NFIX: variants seen among roughly 807,000 people sequenced by gnomAD.
NFIX encodes the protein nuclear factor 1 X-type.
A neutral mutation model predicts 53.3 loss-of-function variants in NFIX; 2 were observed. The observed-to-expected ratio is 0.04, with a 90% CI of 0.02 to 0.12. NFIX has a LOEUF of 0.12. NFIX is among the 10% of genes least tolerant of loss of function. The pLI is 1.00. For missense variants in NFIX, 310 were observed against 674.5 expected, an observed-to-expected ratio of 0.46 and a Z score of 5.99; for synonymous variants, 244 against 289.0, an observed-to-expected ratio of 0.84 and a Z score of 1.58.
intron 2 of NFIX, among the ~76,000 whole-genome samples, chr19:13,031,579 A>G (rs1305165435): frequency 2.6e-5 from 4 of 152,164 alleles, no homozygotes; most frequent in Admixed American, 1.3e-4. Context: ...CTCTAAGAAT[A>G]AGAGAATCTT....
At chr19:13,083,029 C>T (rs760940726) in intron 8 of NFIX, among the ~76,000 whole-genome samples, 4 of 152,228 alleles carry the variant, frequency 2.6e-5, no homozygotes, top group Non-Finnish European at 4.4e-5. Flanking sequence ...TCTTCCCTCC[C>T]TCCTGTTCCC....
intron 2 of NFIX, among the ~76,000 whole-genome samples, chr19:13,047,791 A>C (rs2015081761): frequency 1.3e-5 from 2 of 152,272 alleles, no homozygotes; most frequent in East Asian, 1.9e-4. Flanking sequence ...TTCCATCTGC[A>C]GTTGCCCATG....
chr19:13,052,197 C>T lies in NFIX; in HGVS notation c.560-20850C>T, dbSNP rs949560339. 2.6e-5 allele frequency among the ~76,000 whole-genome samples: 4 copies of T among 152,154 alleles called. No individual in the cohort carries two copies. Among genetic ancestry groups the T allele is most frequent in the South Asian group, 2.1e-4 (1 of 4,826 alleles). On this transcript the variant is annotated intron_variant, in intron 2 of 10. Transcript: ENST00000592199. This position sits in a 1 kb window ranked among gnomAD's most constrained non-coding sequence, Gnocchi z 5.2. The stretch of plus-strand genomic sequence containing the variant: ...CAAGTGGGTAGGTCTGGGCAGGGCT[C>T]GTGAATCTGCATTTCCACCTAGTAC...
intron 2 of NFIX, among the ~76,000 whole-genome samples, chr19:13,044,333 T>C (rs2014843029): frequency 6.6e-6 from 1 of 152,222 alleles, no homozygotes; most frequent in African/African-American, 2.4e-5. Context: ...GGGATGCATA[T>C]GTTCATGAGG....
In NFIX at chr19:13,013,278, T is replaced by C. The variant is rs2012473354; in HGVS notation, c.28-11743T>C. Among the ~76,000 whole-genome samples the C allele has an allele frequency of 1.3e-5, 2 of 152,106 alleles. No homozygotes were observed. The highest frequency in any genetic ancestry group is 4.8e-5 in the African/African-American group (2 of 41,402). ...CGCCCAGCGGACCCGACTTAACCTG[T>C]TGGTGGAGGAGGAAGCTGGCGTCGG... On this transcript the variant is annotated intron_variant, in intron 1 of 10. Coordinates refer to ENST00000592199, the MANE Select transcript of NFIX (RefSeq NM_001365902.3). The surrounding 1 kb of genome is among the most constrained non-coding windows in gnomAD (Gnocchi z 5.9).
intron 2 of NFIX, among the ~76,000 whole-genome samples, chr19:13,030,674 C>T (rs1468505795): frequency 6.6e-6 from 1 of 152,140 alleles, no homozygotes; most frequent in African/African-American, 2.4e-5. Flanking sequence ...CCTGGAAGCC[C>T]TCTGGTTTGT....
intron 2 of NFIX, among the ~76,000 whole-genome samples, chr19:13,064,273 C>T (rs2016268397): frequency 6.6e-6 from 1 of 152,232 alleles, no homozygotes; most frequent in African/African-American, 2.4e-5. Flanking sequence ...CCGGCTGAAT[C>T]GTGGCACCAG....
rs1191623547 is a variant in NFIX at position 13,096,372 on chromosome 19, G to C, written c.*1723G>C. On this transcript the variant is annotated 3_prime_UTR_variant, in exon 11 of 11. Transcript: ENST00000592199. ...AGCTGGCGGAGGGAGGGAAGAGGAG[G>C]GAGTGACGGGAGGGGAGGAGGTCAG... The C allele has an allele frequency of 6.6e-6, 1 of 152,414 alleles. No individual in the cohort carries two copies. Among genetic ancestry groups the C allele is most frequent in the African/African-American group, 2.4e-5 (1 of 41,414 alleles). The allele number at this position is 152,414 out of a possible 1,614,324, so 9.4% of individuals were successfully genotyped here. A position where few individuals can be genotyped will look rare whatever the true frequency, so the allele number is the denominator to read the frequency against.
At position 13,006,414 on chromosome 19, in the gene NFIX, T is replaced by C. The variant is rs1475828266; in HGVS notation, c.27+10550T>C. 1.3e-5 allele frequency among the ~76,000 whole-genome samples: 2 copies of C among 152,188 alleles called. No individual in the cohort carries two copies. The highest frequency in any genetic ancestry group is 2.9e-5 in the Non-Finnish European group (2 of 68,034). ...TCTGAGCTCATCTATTATCCATATT[T>C]GTGGATATGCCATACGGTGCCCGCC... On this transcript the variant is annotated intron_variant, in intron 1 of 10. Transcript: ENST00000592199. This position sits in a 1 kb window ranked among gnomAD's most constrained non-coding sequence, Gnocchi z 5.6.
rs961469032 is a variant in NFIX, at chr19:12,998,026, C to T, written c.27+2162C>T. Among the ~76,000 whole-genome samples, 2 of 152,236 alleles carry T rather than the reference C, an allele frequency of 1.3e-5. No homozygotes were observed. Among genetic ancestry groups the T allele is most frequent in the Non-Finnish European group, 2.9e-5 (2 of 68,038 alleles). ...TGTCGGCTGGTCAGTGGGGTCTGGCCTGCCCCTCCCTAACAATCACATCTC... is the reference window on the plus strand; with the variant it reads ...TGTCGGCTGGTCAGTGGGGTCTGGCTTGCCCCTCCCTAACAATCACATCTC... On this transcript the variant is annotated intron_variant, in intron 1 of 10. Transcript: ENST00000592199. This position sits in a 1 kb window ranked among gnomAD's most constrained non-coding sequence, Gnocchi z 4.4.
Position 12,995,857 on chromosome 19 carries a change from TC to T in NFIX, c.21del (p.Thr8ProfsTer49). MYSPYC[L>X]TQDEFHPFIE... Reference sequence around the variant, plus strand: ...CCAGCTATGTACTCCCCGTACTGCCTCACCCAGGTACCGGCCGCCGCCCCCG... The same window carrying T: ...CCAGCTATGTACTCCCCGTACTGCCTACCCAGGTACCGGCCGCCGCCCCCG... On this transcript the variant is annotated frameshift_variant, in exon 1 of 11. Coordinates refer to ENST00000592199, the MANE Select transcript of NFIX (RefSeq NM_001365902.3). LOFTEE classifies it high-confidence loss of function. 1 of 980,068 alleles carries T rather than the reference TC, an allele frequency of 1.0e-6. No homozygotes were observed. The highest frequency in any genetic ancestry group is 4.4e-5 in the South Asian group (1 of 22,852). 60.7% of individuals were successfully genotyped at this position (980,068 alleles called of 1,614,324 possible). A position where few individuals can be genotyped will look rare whatever the true frequency, so the allele number is the denominator to read the frequency against.
Position 13,024,577 on chromosome 19 carries a change from G to A in NFIX, c.28-444G>A, listed in dbSNP as rs375783511. 3.3e-6 allele frequency: 5 copies of A among 1,535,904 alleles called. No homozygotes were observed. The African/African-American group carries it at 4.1e-5, about 13-fold the overall frequency. ...CCCGCGTGTGCGTCCACGGGCGTCT[G>A]TGCAGACGGACACTGTGCCGGGGCG... is the stretch of plus-strand genomic sequence containing the variant. On this transcript the variant is annotated intron_variant, in intron 1 of 10. Coordinates refer to ENST00000592199, the MANE Select transcript of NFIX (RefSeq NM_001365902.3).
chr19:13,024,997 A>T, intron 1 of NFIX, 24 bp from the exon 2 acceptor site: 1 of 1,572,484 alleles, frequency 6.4e-7, no homozygotes, highest in Non-Finnish European at 8.6e-7. Flanking sequence ...CTCGCCCCGC[A>T]TGCTCCCGGC....
At chr19:13,003,087 T>A (rs1302413968) in intron 1 of NFIX, among the ~76,000 whole-genome samples, 1 of 151,782 alleles carries the variant, frequency 6.6e-6, no homozygotes, top group African/African-American at 2.4e-5. Flanking sequence ...TTCGGTCGAA[T>A]CATCTTGGGG....
rs761824860 is a variant in NFIX at position 13,073,094 on chromosome 19, A to G, written c.607A>G (p.Lys203Glu). ...AAACCAGCAAGGAGATGCGGACATC[A>G]AACCACTGCCCAACGGTCAGTGCCC... ...SSNQQGDADIKPLPNGHLSFQ... is the reference protein window; with the variant it reads ...SSNQQGDADIEPLPNGHLSFQ... Residue 203 changes from lysine to glutamate, a missense_variant, in exon 3 of 11, where the codon AAA becomes GAA. Transcript: ENST00000592199. The surrounding 1 kb of genome is among the most constrained non-coding windows in gnomAD (Gnocchi z 4.5). 1 of 1,614,018 alleles carries G rather than the reference A, an allele frequency of 6.2e-7. No homozygotes were observed. Among genetic ancestry groups the G allele is most frequent in the Non-Finnish European group, 8.5e-7 (1 of 1,179,880 alleles).
rs1427595790 is a variant in NFIX at position 13,094,018 on chromosome 19, T to TGGTGCCCTGAGG, written c.1495-617_1495-616insGGTGCCCTGAGG. 6.6e-6 allele frequency among the ~76,000 whole-genome samples: 1 copy of TGGTGCCCTGAGG among 152,112 alleles called. No individual in the cohort carries two copies. Among genetic ancestry groups the TGGTGCCCTGAGG allele is most frequent in the Non-Finnish European group, 1.5e-5 (1 of 68,016 alleles). On this transcript the variant is annotated intron_variant, in intron 10 of 10. Coordinates refer to ENST00000592199, the MANE Select transcript of NFIX (RefSeq NM_001365902.3). This position sits in a 1 kb window ranked among gnomAD's most constrained non-coding sequence, Gnocchi z 4.3. ...ACCCCAGGGAGCCTCAAGTCCTTCC[T>TGGTGCCCTGAGG]CAATGTCTGGTGCCCTGAGGGTAGA...
rs565537666 is a variant in NFIX at position 13,068,503 on chromosome 19, GC to G, written c.560-4539del. ...TGGCTGTTCCAGAGGTTACTGAGGG[GC>G]CCCCAAGGAAGAGAGGGGCCCAGAG... On this transcript the variant is annotated intron_variant, in intron 2 of 10. Coordinates refer to ENST00000592199, the MANE Select transcript of NFIX (RefSeq NM_001365902.3). The surrounding 1 kb of genome is among the most constrained non-coding windows in gnomAD (Gnocchi z 4.2). 4.4e-4 allele frequency among the ~76,000 whole-genome samples: 67 copies of G among 152,340 alleles called. No homozygotes were observed. Among genetic ancestry groups the G allele is most frequent in the South Asian group, 2.1e-3 (10 of 4,820 alleles).
intron 2 of NFIX, among the ~76,000 whole-genome samples, chr19:13,034,486 G>C (rs779080854): frequency 2.0e-5 from 3 of 152,180 alleles, no homozygotes; most frequent in African/African-American, 7.2e-5. Context: ...CCTGGAGCAT[G>C]GGGGAGGGAT....
chr19:13,086,135 C>T (rs189878801), intron 8 of NFIX, among the ~76,000 whole-genome samples: 121 of 152,316 alleles, frequency 7.9e-4, no homozygotes, highest in African/African-American at 2.6e-3. Flanking sequence ...CCTGCCTGCT[C>T]GGCCTGTGTT....
Sources: allele counts gnomAD v4.1 joint callset (sites outside exome capture counted in the v4.1 genomes callset), GRCh38; gene constraint gnomAD v4.1.1; non-coding constraint Gnocchi (gnomAD v3.1); transcripts MANE v1.5; gene names NCBI Gene and HGNC (gene_info 2026-07-23, HGNC 2026-07-21).